The following GNB1L variants were observed in gnomAD, a reference collection of about 807,000 sequenced individuals.
The protein encoded by GNB1L is G protein subunit beta 1 like, also known as guanine nucleotide-binding protein subunit beta-like protein 1.
In GNB1L, 20 loss-of-function variants were observed where a neutral mutation model predicts 29.1. That is an observed-to-expected ratio of 0.69 (90% CI 0.48 to 1.00). The LOEUF (loss-of-function observed/expected upper bound fraction) is 1.00. Among genes scored for constraint, GNB1L ranks in the 50% least tolerant of loss-of-function variants. The pLI is 0.00. For synonymous variants in GNB1L, 193 were observed against 206.5 expected, an observed-to-expected ratio of 0.93 and a Z score of 0.56; for missense variants, 421 against 464.9, an observed-to-expected ratio of 0.91 and a Z score of 0.87.
intron 2 of GNB1L, among the ~76,000 whole-genome samples, chr22:19,835,219 T>C (rs1385144814): frequency 6.6e-6 from 1 of 152,110 alleles, no homozygotes; most frequent in Non-Finnish European, 1.5e-5. Flanking sequence ...CAGGAAGTCA[T>C]ACAGAAGACC....
chr22:19,794,908 G>A (rs1385351772), intron 7 of GNB1L, among the ~76,000 whole-genome samples: 3 of 152,160 alleles, frequency 2.0e-5, no homozygotes, highest in African/African-American at 7.2e-5. Flanking sequence ...TTGAACCTGG[G>A]AGGCGGAGGT....
intron 2 of GNB1L, among the ~76,000 whole-genome samples, chr22:19,823,217 A>T (rs1937592826): frequency 6.6e-6 from 1 of 152,224 alleles, no homozygotes; most frequent in Non-Finnish European, 1.5e-5. Context: ...GAGGGGGATG[A>T]GAGAGGTTTC....
intron 4 of GNB1L, among the ~76,000 whole-genome samples, chr22:19,817,045 G>T (rs1451495531): frequency 6.6e-6 from 1 of 152,224 alleles, no homozygotes; most frequent in Non-Finnish European, 1.5e-5. Flanking sequence ...ATCTACAAGG[G>T]ACAACAGTAA....
intron 2 of GNB1L, among the ~76,000 whole-genome samples, chr22:19,828,045 C>G (rs146605573): frequency 6.6e-6 from 1 of 152,272 alleles, no homozygotes; most frequent in East Asian, 1.9e-4. Context: ...TAATTCTCAT[C>G]AAGAGACATG....
At chr22:19,821,651 C>T (rs921608853) in intron 2 of GNB1L, among the ~76,000 whole-genome samples, 15 of 152,202 alleles carry the variant, frequency 9.9e-5, no homozygotes, top group Non-Finnish European at 1.9e-4. Flanking sequence ...GGATGCCAGC[C>T]CTCCTCGCAC....
intron 7 of GNB1L, among the ~76,000 whole-genome samples, chr22:19,801,660 T>G (rs1209714217): frequency 1.3e-5 from 2 of 151,884 alleles, no homozygotes; most frequent in Non-Finnish European, 2.9e-5. Flanking sequence ...CTGGTTTTTT[T>G]TTTTTTTTTT....
rs59726291 is a variant in GNB1L at position 19,814,719 on chromosome 22, T to C, written c.255-2272A>G. ...GAGAAAATATCAGACAAACCCAACC[T>C]GAGGGGCGTTCTACAAAACATCTGG... On this transcript the variant is annotated intron_variant, in intron 4 of 7. Coordinates refer to ENST00000329517, the MANE Select transcript of GNB1L (RefSeq NM_053004.3). 8.9e-3 allele frequency among the ~76,000 whole-genome samples: 1,350 copies of C among 152,152 alleles called. 19 individuals carry two copies. Among genetic ancestry groups the C allele is most frequent in the Middle Eastern group, 0.031 (9 of 294 alleles).
At chr22:19,830,880 G>A (rs1212056763) in intron 2 of GNB1L, among the ~76,000 whole-genome samples, 1 of 152,210 alleles carries the variant, frequency 6.6e-6, no homozygotes, top group Non-Finnish European at 1.5e-5. Flanking sequence ...CCAAGTACGT[G>A]TGGAAGTTTA....
chr22:19,844,552 G>A (rs778849045), intron 2 of GNB1L, among the ~76,000 whole-genome samples: 6 of 152,222 alleles, frequency 3.9e-5, no homozygotes, highest in African/African-American at 1.4e-4. Context: ...ACTGGGACAC[G>A]GGCTGCCTCA....
chr22:19,852,141 G>A lies in GNB1L; in HGVS notation c.-21+2302C>T, dbSNP rs770968958. ...CGCTCAATCCAGGGATCCACAAGGG[G>A]GGTGTATGCCACCCCAGGAGACGCC... On this transcript the variant is annotated intron_variant, in intron 2 of 7. Transcript: ENST00000329517. The A allele has an allele frequency of 1.9e-6, 3 of 1,614,184 alleles. No individual in the cohort carries two copies. In the East Asian group the frequency reaches 6.7e-5, roughly 36 times the overall value.
intron 2 of GNB1L, chr22:19,851,151 C>A: frequency 1.9e-6 from 3 of 1,573,124 alleles, no homozygotes; most frequent in East Asian, 2.3e-5. Flanking sequence ...CAGCATTGTT[C>A]CCACCTGGGC....
intron 2 of GNB1L, among the ~76,000 whole-genome samples, chr22:19,853,612 C>A (rs1938162752): frequency 6.6e-6 from 1 of 152,142 alleles, no homozygotes; most frequent in Non-Finnish European, 1.5e-5. Context: ...GGGTGAGTTC[C>A]TCCAGGTACC....
rs770713977 is a variant in GNB1L at position 19,802,183 on chromosome 22, C to T, written c.550G>A (p.Gly184Ser). Residue 184 changes from glycine to serine, a missense_variant, in exon 7 of 8, where the codon GGC becomes AGC. Physicochemically the swap from Gly to Ser is moderately conservative, Grantham distance 56. Coordinates refer to ENST00000329517, the MANE Select transcript of GNB1L (RefSeq NM_053004.3). ...DCSSRPLLLA[G>S]YEDGSVVLWD... Reference sequence around the variant, plus strand: ...AGGACCACCGATCCATCCTCATAGCCGGCCAGAAGGAGTGGGCGGGAGCTG... The same window carrying T: ...AGGACCACCGATCCATCCTCATAGCTGGCCAGAAGGAGTGGGCGGGAGCTG... The T allele has an allele frequency of 1.6e-5, 26 of 1,613,032 alleles. No homozygotes were observed. The highest frequency in any genetic ancestry group is 1.2e-4 in the South Asian group (11 of 91,090).
chr22:19,827,086 T>A lies in GNB1L; in HGVS notation c.-20-5711A>T, dbSNP rs1272933865. ...AAAAAAAAGGGGGCTATAAGGGACA[T>A]CTGGGGGATCTTTGTGGGTAATCTG... On this transcript the variant is annotated intron_variant, in intron 2 of 7. Coordinates refer to ENST00000329517, the MANE Select transcript of GNB1L (RefSeq NM_053004.3). 1.3e-5 allele frequency among the ~76,000 whole-genome samples: 2 copies of A among 152,156 alleles called. 1 individual carries two copies. The highest frequency in any genetic ancestry group is 2.9e-5 in the Non-Finnish European group (2 of 68,020).
At chr22:19,838,943 C>G (rs942087015) in intron 2 of GNB1L, among the ~76,000 whole-genome samples, 4 of 152,098 alleles carry the variant, frequency 2.6e-5, no homozygotes, top group Admixed American at 6.6e-5. Flanking sequence ...AGAAAATAAC[C>G]CAAATGACCA....
chr22:19,824,626 C>T lies in GNB1L; in HGVS notation c.-20-3251G>A, dbSNP rs183223580. 4.1e-3 allele frequency among the ~76,000 whole-genome samples: 619 copies of T among 152,382 alleles called. 5 individuals are homozygous for T. The highest frequency in any genetic ancestry group is 0.034 in the Middle Eastern group (10 of 294). On this transcript the variant is annotated intron_variant, in intron 2 of 7. Transcript: ENST00000329517. ...ACAGCATCTGCCTGCAATGCACCAC[C>T]GCGGAGGCAGCTCGGCAGGCCCCAG...
At chr22:19,802,777 G>A (rs575323601) in intron 6 of GNB1L, among the ~76,000 whole-genome samples, 3 of 152,336 alleles carry the variant, frequency 2.0e-5, no homozygotes, top group South Asian at 2.1e-4. Context: ...AGTGGCTGCC[G>A]AAGCCCCTGC....
At chr22:19,796,094 C>T (rs1033222280) in intron 7 of GNB1L, among the ~76,000 whole-genome samples, 2 of 152,118 alleles carry the variant, frequency 1.3e-5, no homozygotes, top group African/African-American at 4.8e-5. Context: ...GAAGTAGTGA[C>T]CAAAAGAAAC....
At chr22:19,843,033 AATCCCGTGC>A (rs989619819) in intron 2 of GNB1L, among the ~76,000 whole-genome samples, 8 of 152,212 alleles carry the variant, frequency 5.3e-5, no homozygotes, top group African/African-American at 1.9e-4. Context: ...CTCCTTTCCA[AATCCCGTGC>A]ATTGTCAGGC....
Sources: gnomAD v4.1 joint callset for allele counts (sites outside exome capture counted in the v4.1 genomes callset) on GRCh38, gnomAD v4.1.1 for gene constraint, MANE v1.5 for transcripts, NCBI Gene and HGNC (gene_info 2026-07-23, HGNC 2026-07-21) for gene names.